Variants in SMG6 observed in about 807,000 individuals in gnomAD.
SMG6 encodes SMG6 nonsense mediated mRNA decay factor.
A neutral mutation model predicts 142.2 loss-of-function variants in SMG6; 66 were observed. That is an observed-to-expected ratio of 0.46 (90% CI 0.38 to 0.57). The LOEUF is 0.57. Among genes scored for constraint, SMG6 ranks in the 20% least tolerant of loss-of-function variants. The pLI, the probability that SMG6 is intolerant of heterozygous loss-of-function variation, is 0.00. For synonymous variants in SMG6, 779 were observed against 702.4 expected, an observed-to-expected ratio of 1.11 and a Z score of -1.72; for missense variants, 1,793 against 1,832.0, an observed-to-expected ratio of 0.98 and a Z score of 0.39.
intron 10 of SMG6, among the ~76,000 whole-genome samples, chr17:2,209,231 A>G (rs971185094): frequency 6.6e-6 from 1 of 152,196 alleles, no homozygotes; most frequent in African/African-American, 2.4e-5. Context: ...TTTTGTATTG[A>G]GATGGAGTCT....
chr17:2,281,848 C>T (rs1052877477), intron 8 of SMG6, among the ~76,000 whole-genome samples: 1 of 152,202 alleles, frequency 6.6e-6, no homozygotes. Flanking sequence ...CTCCCCCAGC[C>T]AGCCTCAGCC....
intron 13 of SMG6, among the ~76,000 whole-genome samples, chr17:2,151,287 G>A (rs936059875): frequency 6.6e-6 from 1 of 152,174 alleles, no homozygotes; most frequent in African/African-American, 2.4e-5. Flanking sequence ...CATTTTTAAA[G>A]CCTGAAATAT....
At chr17:2,277,028 G>A (rs2074665012) in intron 8 of SMG6, among the ~76,000 whole-genome samples, 1 of 151,944 alleles carries the variant, frequency 6.6e-6, no homozygotes, top group Admixed American at 6.5e-5. Flanking sequence ...TGATCCGCCT[G>A]CCTCAGCCTC....
chr17:2,281,116 T>C (rs1373974300), intron 8 of SMG6, among the ~76,000 whole-genome samples: 1 of 152,214 alleles, frequency 6.6e-6, no homozygotes, highest in Non-Finnish European at 1.5e-5. Flanking sequence ...TGCAGTGCAG[T>C]GGTGCAGCCT....
intron 13 of SMG6, among the ~76,000 whole-genome samples, chr17:2,130,959 C>G (rs1460900364): frequency 6.6e-6 from 1 of 151,964 alleles, no homozygotes; most frequent in Non-Finnish European, 1.5e-5. Flanking sequence ...GCCGAGATCA[C>G]GCCACTGCAC....
At chr17:2,238,624 T>C (rs2073727433) in intron 9 of SMG6, among the ~76,000 whole-genome samples, 1 of 152,168 alleles carries the variant, frequency 6.6e-6, no homozygotes, top group East Asian at 1.9e-4. Flanking sequence ...TGTCTCCGTG[T>C]TGAAAGGCAG....
chr17:2,288,121 C>A (rs1373485961), intron 6 of SMG6, among the ~76,000 whole-genome samples: 1 of 151,992 alleles, frequency 6.6e-6, no homozygotes, highest in African/African-American at 2.4e-5. Context: ...CGAGACCAGC[C>A]TGGCCAACAT....
chr17:2,107,558 C>A (rs1033093116), intron 13 of SMG6, among the ~76,000 whole-genome samples: 1 of 152,184 alleles, frequency 6.6e-6, no homozygotes, highest in African/African-American at 2.4e-5. Flanking sequence ...CTCTAGGTAG[C>A]TGATGACACA....
At chr17:2,079,501 T>C (rs1303648792) in intron 15 of SMG6, among the ~76,000 whole-genome samples, 1 of 151,540 alleles carries the variant, frequency 6.6e-6, no homozygotes, top group Non-Finnish European at 1.5e-5. Context: ...CTGGGCGTGG[T>C]GGTGCATGCC....
At chr17:2,091,731 T>C (rs796389703) in intron 13 of SMG6, among the ~76,000 whole-genome samples, 56 of 151,152 alleles carry the variant, frequency 3.7e-4, no homozygotes, top group African/African-American at 1.2e-3. Context: ...AGTGCAGTGG[T>C]GCGATCTCGG....
intron 8 of SMG6, among the ~76,000 whole-genome samples, chr17:2,249,720 T>C (rs2074006393): frequency 6.6e-6 from 1 of 152,236 alleles, no homozygotes; most frequent in Non-Finnish European, 1.5e-5. Flanking sequence ...CGTTCAGATC[T>C]TCCTTACATA....
intron 13 of SMG6, among the ~76,000 whole-genome samples, chr17:2,092,078 C>T (rs867561261): frequency 3.3e-5 from 5 of 151,962 alleles, no homozygotes; most frequent in African/African-American, 9.7e-5. Context: ...CTCCGCCTCC[C>T]GGGTTGAAGC....
chr17:2,154,560 C>T (rs934054448), intron 13 of SMG6, among the ~76,000 whole-genome samples: 2 of 152,144 alleles, frequency 1.3e-5, no homozygotes, highest in Non-Finnish European at 2.9e-5. Context: ...TTCCTCCTCC[C>T]TTTACATGTC....
At chr17:2,277,011 C>T (rs1168561844) in intron 8 of SMG6, among the ~76,000 whole-genome samples, 1 of 151,986 alleles carries the variant, frequency 6.6e-6, no homozygotes, top group Non-Finnish European at 1.5e-5. Flanking sequence ...GAACTCCCAA[C>T]CTCAAGTGAT....
At chr17:2,137,510 A>C (rs968881108) in intron 13 of SMG6, among the ~76,000 whole-genome samples, 5 of 151,710 alleles carry the variant, frequency 3.3e-5, no homozygotes, top group Admixed American at 3.3e-4. Context: ...CGCCAGCAGG[A>C]CCTTTCACAT....
intron 16 of SMG6, among the ~76,000 whole-genome samples, chr17:2,066,368 G>GTC (rs1416406873): frequency 1.1e-5 from 1 of 90,970 alleles, no homozygotes. Context: ...GTGTGTATAT[G>GTC]TCTCTGTGTG....
intron 10 of SMG6, among the ~76,000 whole-genome samples, chr17:2,222,141 A>C (rs961974347): frequency 6.6e-6 from 1 of 152,222 alleles, no homozygotes; most frequent in Admixed American, 6.5e-5. Context: ...GATAAAACAG[A>C]CCAGAGACCC....
Position 2,297,886 on chromosome 17 carries a change from T to C in SMG6, c.2017A>G (p.Arg673Gly). ...NVENPEQIRNRLLELLDEGSD... is the reference protein window; with the variant it reads ...NVENPEQIRNGLLELLDEGSD... ...ACCTCATCCAAGAGCTCCAAAAGTC[T>C]GTTCCGAATCTGTTCTGGGTTCTCA... Residue 673 changes from arginine to glycine, a missense_variant, in exon 3 of 19, where the codon AGA becomes GGA. Arg to Gly is a moderately radical substitution (Grantham distance 125). Transcript: ENST00000263073. 6.2e-7 allele frequency: 1 copy of C among 1,611,762 alleles called. No individual in the cohort carries two copies. The highest frequency in any genetic ancestry group is 8.5e-7 in the Non-Finnish European group (1 of 1,180,016).
intron 6 of SMG6, among the ~76,000 whole-genome samples, chr17:2,287,670 G>A (rs575627284): frequency 6.4e-4 from 98 of 152,242 alleles, no homozygotes; most frequent in African/African-American, 2.0e-3. Flanking sequence ...ATGGGTGAAC[G>A]TACATATAAA....
Sources: allele counts gnomAD v4.1 joint callset (sites outside exome capture counted in the v4.1 genomes callset), GRCh38; gene constraint gnomAD v4.1.1; transcripts MANE v1.5; gene names NCBI Gene and HGNC (gene_info 2026-07-23, HGNC 2026-07-21).